The following CSMD1 variants were observed in gnomAD, a reference collection of about 807,000 sequenced individuals.
CSMD1 encodes the protein CUB and sushi domain-containing protein 1.
Under a neutral mutation model 417.5 loss-of-function variants are expected in CSMD1, and 213 were observed. The ratio of observed to expected loss-of-function variants is 0.51; its 90% CI spans 0.46 to 0.57. CSMD1 has a LOEUF of 0.57. Among genes scored for constraint, CSMD1 ranks in the 20% least tolerant of loss-of-function variants. The pLI is 0.00. For missense variants in CSMD1, 6,923 were observed against 4,529.7 expected (o/e 1.53, Z -15.17); for synonymous variants, 2,862 against 1,736.8 (o/e 1.65, Z -16.11).
At chr8:4,158,089 C>CTTTT (rs57117925) in intron 3 of CSMD1, among the ~76,000 whole-genome samples, 5 of 142,012 alleles carry the variant, frequency 3.5e-5, no homozygotes, top group African/African-American at 7.8e-5. Context: ...CAAGAAAACC[C>CTTTT]TTTTTTTTTT....
chr8:3,106,314 C>T (rs1220759070), intron 46 of CSMD1, among the ~76,000 whole-genome samples: 2 of 152,000 alleles, frequency 1.3e-5, no homozygotes, highest in African/African-American at 2.4e-5. Context: ...GGAGGATCAC[C>T]TGAGACCAGG....
intron 2 of CSMD1, among the ~76,000 whole-genome samples, chr8:4,515,014 C>G (rs531114044): frequency 1.0e-3 from 154 of 152,304 alleles, no homozygotes; most frequent in Middle Eastern, 3.4e-3. Context: ...TGGCAGCTTT[C>G]CATTCTCAAA....
chr8:3,567,512 GA>G (rs1385030166), intron 10 of CSMD1, among the ~76,000 whole-genome samples: 1 of 145,222 alleles, frequency 6.9e-6, no homozygotes, highest in Non-Finnish European at 1.5e-5. Flanking sequence ...GAAGGGAGGG[GA>G]GGGGGAAGGG....
In CSMD1 at chr8:3,381,589, C is replaced by T. The variant is rs186959419; in HGVS notation, c.2782+5905G>A. Among the ~76,000 whole-genome samples, 18 of 152,090 alleles carry T rather than the reference C, an allele frequency of 1.2e-4. No individual in the cohort carries two copies. In the East Asian group the frequency reaches 1.5e-3, roughly 13 times the overall value. The stretch of plus-strand genomic sequence containing the variant: ...CCAAAAATATGACAAATATTTGCAT[C>T]GTCTATATGACATCCTTGAGTTTTA... On this transcript the variant is annotated intron_variant, in intron 18 of 69. Coordinates refer to ENST00000635120, the MANE Select transcript of CSMD1 (RefSeq NM_033225.6).
At chr8:3,201,353 G>A (rs1250047031) in intron 32 of CSMD1, among the ~76,000 whole-genome samples, 2 of 151,918 alleles carry the variant, frequency 1.3e-5, no homozygotes, top group African/African-American at 4.8e-5. Context: ...CTCTTTTTCG[G>A]ATCTTTGCAC....
intron 3 of CSMD1, among the ~76,000 whole-genome samples, chr8:4,269,645 CTT>C (rs1298716500): frequency 6.6e-6 from 1 of 152,118 alleles, no homozygotes; most frequent in Non-Finnish European, 1.5e-5. Flanking sequence ...TCACACATGA[CTT>C]TATCAGGTTG....
At chr8:4,955,930 G>A (rs1264842885) in intron 1 of CSMD1, among the ~76,000 whole-genome samples, 1 of 152,168 alleles carries the variant, frequency 6.6e-6, no homozygotes, top group Admixed American at 6.5e-5. Flanking sequence ...CCATCCAGGC[G>A]ATTCAGATGA....
intron 42 of CSMD1, among the ~76,000 whole-genome samples, chr8:3,117,247 A>AT (rs1289161958): frequency 6.6e-6 from 1 of 151,892 alleles, no homozygotes; most frequent in Non-Finnish European, 1.5e-5. Context: ...ATTTTTTTGT[A>AT]TTTTTAGTAG....
At chr8:4,871,763 C>T (rs1286486845) in intron 1 of CSMD1, among the ~76,000 whole-genome samples, 2 of 151,976 alleles carry the variant, frequency 1.3e-5, no homozygotes, top group Admixed American at 1.3e-4. Flanking sequence ...CTTATTTTTC[C>T]CTCTTTTGAA....
intron 1 of CSMD1, chr8:4,788,586 A>G: frequency 7.3e-6 from 9 of 1,234,070 alleles, no homozygotes; most frequent in Non-Finnish European, 1.0e-5. Flanking sequence ...TGTAATTTAT[A>G]AGAAACAATG....
chr8:4,741,787 G>T (rs1185235397), intron 1 of CSMD1, among the ~76,000 whole-genome samples: 1 of 152,068 alleles, frequency 6.6e-6, no homozygotes, highest in Non-Finnish European at 1.5e-5. Flanking sequence ...ATGCAAATCT[G>T]CTTCTAAACA....
intron 5 of CSMD1, among the ~76,000 whole-genome samples, chr8:3,808,912 C>T (rs377712608): frequency 1.3e-5 from 2 of 152,148 alleles, no homozygotes; most frequent in African/African-American, 2.4e-5. Context: ...TCTAGTCAGG[C>T]AAGCCTCAAT....
At chr8:4,336,074 A>G (rs1232422028) in intron 3 of CSMD1, among the ~76,000 whole-genome samples, 1 of 152,130 alleles carries the variant, frequency 6.6e-6, no homozygotes, top group Admixed American at 6.6e-5. Flanking sequence ...TAAGTTCCAC[A>G]AGACAATCCA....
At chr8:4,575,573 G>C (rs574608846) in intron 2 of CSMD1, among the ~76,000 whole-genome samples, 1 of 152,320 alleles carries the variant, frequency 6.6e-6, no homozygotes, top group African/African-American at 2.4e-5. Context: ...GAGACAGAAA[G>C]TTGTGTCCAC....
chr8:4,660,997 GATCAT>G (rs1804563636), intron 1 of CSMD1, among the ~76,000 whole-genome samples: 1 of 152,088 alleles, frequency 6.6e-6, no homozygotes, highest in Non-Finnish European at 1.5e-5. Context: ...GAAGAAAATG[GATCAT>G]ACATACATTG....
chr8:3,166,474 C>G (rs1228649800), intron 37 of CSMD1, among the ~76,000 whole-genome samples: 1 of 152,114 alleles, frequency 6.6e-6, no homozygotes, highest in African/African-American at 2.4e-5. Context: ...GCAGAGGTTG[C>G]AGTGAGCCAA....
At chr8:4,959,970 A>G (rs1472058152) in intron 1 of CSMD1, among the ~76,000 whole-genome samples, 6 of 152,168 alleles carry the variant, frequency 3.9e-5, no homozygotes, top group African/African-American at 1.4e-4. Context: ...AGGAAAATGT[A>G]TTTTGTTACT....
intron 25 of CSMD1, among the ~76,000 whole-genome samples, chr8:3,297,464 T>G (rs1390723107): frequency 6.6e-6 from 1 of 152,152 alleles, no homozygotes; most frequent in African/African-American, 2.4e-5. Context: ...TTGTACTAGA[T>G]AAGCAAATAG....
chr8:4,020,592 C>G (rs1335307905), intron 4 of CSMD1, among the ~76,000 whole-genome samples: 3 of 152,170 alleles, frequency 2.0e-5, no homozygotes, highest in Non-Finnish European at 4.4e-5. Flanking sequence ...CTCCAATTCT[C>G]TTATGGTAAG....
Sources: gnomAD v4.1 joint callset for allele counts (sites outside exome capture counted in the v4.1 genomes callset) on GRCh38, gnomAD v4.1.1 for gene constraint, MANE v1.5 for transcripts, NCBI Gene and HGNC (gene_info 2026-07-23, HGNC 2026-07-21) for gene names.